Variants in ARHGAP26 observed in about 807,000 individuals in gnomAD.
ARHGAP26 encodes rho GTPase-activating protein 26.
ARHGAP26 carries 38 observed loss-of-function variants against 104.8 expected under a neutral mutation model. That is an observed-to-expected ratio of 0.36 (90% CI 0.28 to 0.48). The LOEUF is 0.48. Among genes scored for constraint, ARHGAP26 ranks in the 20% least tolerant of loss-of-function variants. The probability of loss-of-function intolerance (pLI) is 0.99; values close to 1 mark genes in which losing one functional copy is unlikely to be tolerated. For synonymous variants in ARHGAP26, 341 were observed against 340.0 expected, an observed-to-expected ratio of 1.00 and a Z score of -0.03; for missense variants, 704 against 947.9, an observed-to-expected ratio of 0.74 and a Z score of 3.38.
intron 1 of ARHGAP26, among the ~76,000 whole-genome samples, chr5:142,816,890 A>G (rs1183498017): frequency 6.6e-6 from 1 of 152,150 alleles, no homozygotes; most frequent in African/African-American, 2.4e-5. Context: ...GTGTGGAGGC[A>G]GGAGCAGCGG....
rs1274436867 is a variant in ARHGAP26 at position 143,224,681 on chromosome 5, TAAAG to T, written c.*2238_*2241del. The T allele has an allele frequency of 4.4e-6, 1 of 229,806 alleles. No homozygotes were observed. The highest frequency in any genetic ancestry group is 8.6e-6 in the Non-Finnish European group (1 of 115,960). The allele number at this position is 229,806 out of a possible 1,614,324, so 14.2% of individuals were successfully genotyped here. On this transcript the variant is annotated 3_prime_UTR_variant, in exon 23 of 23. Transcript: ENST00000645722. ...AATTTTGTGTGCGTCTGTAAGTTCT[TAAAG>T]AACCAGCTTCTTAGAATGTTCAGTT...
chr5:143,171,027 A>G (rs1339225719), intron 20 of ARHGAP26, among the ~76,000 whole-genome samples: 2 of 152,138 alleles, frequency 1.3e-5, no homozygotes, highest in Non-Finnish European at 2.9e-5. Context: ...AGAGAAAAAG[A>G]GAGGGGAAAA....
At chr5:142,964,237 T>C (rs1413824765) in intron 11 of ARHGAP26, among the ~76,000 whole-genome samples, 2 of 152,194 alleles carry the variant, frequency 1.3e-5, no homozygotes, top group East Asian at 1.9e-4. Context: ...GCATGAAATG[T>C]AAGTAGGCTT....
At chr5:143,020,933 C>G (rs1291001489) in intron 12 of ARHGAP26, among the ~76,000 whole-genome samples, 1 of 152,168 alleles carries the variant, frequency 6.6e-6, no homozygotes, top group African/African-American at 2.4e-5. Context: ...AGCCACTGCA[C>G]CTGGCCTAAT....
At chr5:143,001,386 A>T (rs1355040819) in intron 11 of ARHGAP26, among the ~76,000 whole-genome samples, 1 of 152,250 alleles carries the variant, frequency 6.6e-6, no homozygotes, top group Non-Finnish European at 1.5e-5. Flanking sequence ...TGAAATGTTT[A>T]AAAGTGCTGA....
intron 11 of ARHGAP26, among the ~76,000 whole-genome samples, chr5:142,995,844 G>T (rs1013148645): frequency 6.6e-6 from 1 of 152,170 alleles, no homozygotes; most frequent in Admixed American, 6.5e-5. Flanking sequence ...AAAAAAGAAT[G>T]CATTCATGTC....
chr5:142,972,351 G>A (rs1311228328), intron 11 of ARHGAP26, among the ~76,000 whole-genome samples: 1 of 152,056 alleles, frequency 6.6e-6, no homozygotes, highest in Admixed American at 6.6e-5. Flanking sequence ...GTTGCTGTCT[G>A]CACATTTTCT....
intron 11 of ARHGAP26, among the ~76,000 whole-genome samples, chr5:142,989,737 A>C (rs1775305827): frequency 6.6e-6 from 1 of 152,136 alleles, no homozygotes; most frequent in Non-Finnish European, 1.5e-5. Context: ...CTGGATATGA[A>C]ATTCTGGGTT....
At chr5:143,048,287 G>A (rs1169191506) in intron 14 of ARHGAP26, among the ~76,000 whole-genome samples, 2 of 151,684 alleles carry the variant, frequency 1.3e-5, no homozygotes, top group South Asian at 4.2e-4. Flanking sequence ...TTGAGATGGG[G>A]TCTCACTCTT....
At chr5:142,963,175 T>TACATAC (rs1289890085) in intron 11 of ARHGAP26, among the ~76,000 whole-genome samples, 14 of 92,808 alleles carry the variant, frequency 1.5e-4, no homozygotes, top group Middle Eastern at 4.5e-3. Flanking sequence ...TATATATGTA[T>TACATAC]ATATATATAT....
At chr5:142,775,568 C>T (rs1317729034) in intron 1 of ARHGAP26, among the ~76,000 whole-genome samples, 2 of 152,152 alleles carry the variant, frequency 1.3e-5, no homozygotes, top group African/African-American at 4.8e-5. Context: ...TGTATAATTA[C>T]TATCTCTTTC....
intron 11 of ARHGAP26, among the ~76,000 whole-genome samples, chr5:142,943,044 G>T (rs1263047801): frequency 6.6e-6 from 1 of 152,240 alleles, no homozygotes; most frequent in Non-Finnish European, 1.5e-5. Context: ...GCCTCCCAAA[G>T]TTCTGGGATT....
At chr5:142,934,300 T>A (rs752127958) in intron 11 of ARHGAP26, among the ~76,000 whole-genome samples, 1 of 152,246 alleles carries the variant, frequency 6.6e-6, no homozygotes, top group Non-Finnish European at 1.5e-5. Context: ...GAAAGAAACA[T>A]CTTCTTGCTC....
intron 1 of ARHGAP26, among the ~76,000 whole-genome samples, chr5:142,872,908 A>C (rs1755526957): frequency 6.6e-6 from 1 of 152,198 alleles, no homozygotes; most frequent in Admixed American, 6.5e-5. Flanking sequence ...GGCAGTTCCC[A>C]GCCCCTCCTT....
intron 20 of ARHGAP26, among the ~76,000 whole-genome samples, chr5:143,156,853 GC>G (rs1414085974): frequency 1.3e-5 from 2 of 152,230 alleles, no homozygotes; most frequent in Non-Finnish European, 2.9e-5. Context: ...GCTCACCAGG[GC>G]TGCACTTTCC....
intron 1 of ARHGAP26, among the ~76,000 whole-genome samples, chr5:142,830,802 AC>A (rs1768255792): frequency 6.6e-6 from 1 of 152,170 alleles, no homozygotes; most frequent in Non-Finnish European, 1.5e-5. Context: ...GTGATTAGTC[AC>A]TCAGCCAGAC....
At chr5:142,932,023 T>C in intron 10 of ARHGAP26, 24 bp from the exon 11 acceptor site, 1 of 1,610,902 alleles carries the variant, frequency 6.2e-7, no homozygotes, top group Non-Finnish European at 8.5e-7. Context: ...TGGTTTCATA[T>C]CCATGTCCCT....
chr5:142,830,830 C>T (rs1768268727), intron 1 of ARHGAP26, among the ~76,000 whole-genome samples: 1 of 152,192 alleles, frequency 6.6e-6, no homozygotes, highest in Non-Finnish European at 1.5e-5. Flanking sequence ...GTATCCCCCT[C>T]TCTCAGTTTG....
chr5:143,040,521 G>A (rs765591607), intron 13 of ARHGAP26, among the ~76,000 whole-genome samples: 1 of 152,040 alleles, frequency 6.6e-6, no homozygotes, highest in Non-Finnish European at 1.5e-5. Context: ...TGGTGAACAG[G>A]ACACAATTAC....
Sources: allele counts gnomAD v4.1 joint callset (sites outside exome capture counted in the v4.1 genomes callset), GRCh38; gene constraint gnomAD v4.1.1; transcripts MANE v1.5; gene names NCBI Gene and HGNC (gene_info 2026-07-23, HGNC 2026-07-21).